CCDC88C: variants seen among roughly 807,000 people sequenced by gnomAD.
The protein encoded by CCDC88C is protein Daple.
CCDC88C carries 131 observed loss-of-function variants against 198.8 expected under a neutral mutation model. The observed-to-expected ratio is 0.66, with a 90% CI of 0.57 to 0.76. CCDC88C has a LOEUF of 0.76. Ranked by LOEUF, CCDC88C falls within the 30% of genes least tolerant of loss-of-function variation. The pLI is 0.00. For missense variants in CCDC88C, 2,553 were observed against 2,631.6 expected (o/e 0.97, Z 0.65); for synonymous variants, 1,166 against 1,114.7 (o/e 1.05, Z -0.92).
chr14:91,388,201 C>A (rs540956989), intron 3 of CCDC88C, among the ~76,000 whole-genome samples: 3 of 152,162 alleles, frequency 2.0e-5, no homozygotes. Flanking sequence ...GGCCAGCAAG[C>A]GGGAGACGGC....
intron 3 of CCDC88C, among the ~76,000 whole-genome samples, chr14:91,370,139 T>G (rs1894725160): frequency 6.6e-6 from 1 of 152,224 alleles, no homozygotes; most frequent in South Asian, 2.1e-4. Context: ...AACTCCTGCC[T>G]CTGCCTGTAA....
In CCDC88C at chr14:91,293,404, CTGCCCCCT is replaced by C. The variant is rs1567055190; in HGVS notation, c.4112+761_4112+768del. Among the ~76,000 whole-genome samples the C allele has an allele frequency of 4.7e-4, 15 of 31,760 alleles. 1 individual carries two copies. In the South Asian group the frequency reaches 0.01, roughly 21 times the overall value. The allele number at this position is 31,760 out of a possible 152,430, so 20.8% of individuals were successfully genotyped here. ...CCCTCGCCTGCCACAGCCCACCTTC[CTGCCCCCT>C]CACCTGCCACGGCCCACCTTCCCGT... is the stretch of plus-strand genomic sequence containing the variant. On this transcript the variant is annotated intron_variant, in intron 23 of 29. Transcript: ENST00000389857.
At chr14:91,318,917 C>CAAA (rs61183857) in intron 13 of CCDC88C, among the ~76,000 whole-genome samples, 50,274 of 103,666 alleles carry the variant, frequency 0.48, 11,332 homozygotes, top group Non-Finnish European at 0.59. Context: ...AGACTCCGTC[C>CAAA]AAAAAAAAAA....
chr14:91,413,806 G>C (rs751828120), intron 2 of CCDC88C, among the ~76,000 whole-genome samples: 2 of 152,184 alleles, frequency 1.3e-5, no homozygotes, highest in African/African-American at 2.4e-5. Context: ...AAGGCTCCCA[G>C]GTGTTAGGTA....
intron 19 of CCDC88C, among the ~76,000 whole-genome samples, chr14:91,305,413 C>A (rs1891515952): frequency 6.6e-6 from 1 of 152,138 alleles, no homozygotes; most frequent in Admixed American, 6.5e-5. Context: ...AGTAAAGAAA[C>A]CTGGTTAACT....
intron 3 of CCDC88C, among the ~76,000 whole-genome samples, chr14:91,402,543 C>CAT (rs1407088774): frequency 9.9e-5 from 15 of 151,978 alleles, no homozygotes; most frequent in African/African-American, 3.4e-4. Context: ...TGCACACACG[C>CAT]ATATATATAC....
At position 91,272,453 on chromosome 14, in the gene CCDC88C, C is replaced by T. The variant is rs893242519; in HGVS notation, c.*172G>A. 3 of 666,590 alleles carry T rather than the reference C, an allele frequency of 4.5e-6. No individual in the cohort carries two copies. The African/African-American group carries it at 5.5e-5, about 12-fold the overall frequency. 41.3% of individuals were successfully genotyped at this position (666,590 alleles called of 1,614,324 possible). On this transcript the variant is annotated 3_prime_UTR_variant, in exon 30 of 30. Coordinates refer to ENST00000389857, the MANE Select transcript of CCDC88C (RefSeq NM_001080414.4). ...GTTACACACCTGGAAGCGTAATCCTCTTGGGGCTTGGCACAGTGTTTCCAT... is the reference window on the plus strand; with the variant it reads ...GTTACACACCTGGAAGCGTAATCCTTTTGGGGCTTGGCACAGTGTTTCCAT...
intron 3 of CCDC88C, among the ~76,000 whole-genome samples, chr14:91,394,695 C>G (rs541407420): frequency 6.6e-6 from 1 of 152,178 alleles, no homozygotes; most frequent in Admixed American, 6.5e-5. Context: ...AATTCTATTG[C>G]TGGTGAGGGA....
At chr14:91,289,368 C>CA in intron 24 of CCDC88C, 25 bp from the exon 25 acceptor site, 1 of 1,602,066 alleles carries the variant, frequency 6.2e-7, no homozygotes, top group Non-Finnish European at 8.6e-7. Flanking sequence ...ATGTTTAGGA[C>CA]ATAGCCAGCC....
chr14:91,341,643 T>G (rs570234160), intron 6 of CCDC88C, among the ~76,000 whole-genome samples: 1 of 152,324 alleles, frequency 6.6e-6, no homozygotes, highest in South Asian at 2.1e-4. Flanking sequence ...CTAAGGTAAT[T>G]AAAGCACACA....
At chr14:91,320,908 G>A (rs1892328587) in intron 13 of CCDC88C, among the ~76,000 whole-genome samples, 1 of 152,194 alleles carries the variant, frequency 6.6e-6, no homozygotes, top group African/African-American at 2.4e-5. Flanking sequence ...CAGCGAAGCA[G>A]GGACAGGGCC....
At chr14:91,292,936 C>T (rs182942525) in intron 23 of CCDC88C, among the ~76,000 whole-genome samples, 35 of 152,194 alleles carry the variant, frequency 2.3e-4, no homozygotes, top group African/African-American at 8.4e-4. Flanking sequence ...TGGAAGCTAC[C>T]ACAGCTGAGC....
At chr14:91,393,473 ACCTCAGCC>A (rs1400649914) in intron 3 of CCDC88C, among the ~76,000 whole-genome samples, 1 of 152,024 alleles carries the variant, frequency 6.6e-6, no homozygotes, top group East Asian at 1.9e-4. Context: ...GACGGCCCAC[ACCTCAGCC>A]CCGATCTGGC....
Position 91,271,597 on chromosome 14 carries a change from A to G in CCDC88C, c.*1028T>C, listed in dbSNP as rs1236359955. The G allele has an allele frequency of 6.6e-6, 1 of 152,228 alleles. No homozygotes were observed. Among genetic ancestry groups the G allele is most frequent in the Non-Finnish European group, 1.5e-5 (1 of 68,040 alleles). 9.4% of individuals were successfully genotyped at this position (152,228 alleles called of 1,614,324 possible). The stretch of plus-strand genomic sequence containing the variant: ...AAGCAGCAGATAAGATTCCCGACAG[A>G]AGAGAGTGACTCCCACTGGAACATA... On this transcript the variant is annotated 3_prime_UTR_variant, in exon 30 of 30. Coordinates refer to ENST00000389857, the MANE Select transcript of CCDC88C (RefSeq NM_001080414.4).
chr14:91,359,261 C>T (rs1894192449), intron 4 of CCDC88C, among the ~76,000 whole-genome samples: 1 of 127,710 alleles, frequency 7.8e-6, no homozygotes, highest in South Asian at 2.5e-4. Flanking sequence ...GGCCATTCTC[C>T]TGCCTCAGCC....
chr14:91,296,017 T>G (rs529551916), intron 22 of CCDC88C, among the ~76,000 whole-genome samples: 1 of 152,286 alleles, frequency 6.6e-6, no homozygotes, highest in African/African-American at 2.4e-5. Context: ...AGCTCAGCCC[T>G]GCCGGTTCAC....
At chr14:91,322,860 A>G (rs1427689305) in intron 12 of CCDC88C, among the ~76,000 whole-genome samples, 1 of 150,356 alleles carries the variant, frequency 6.7e-6, no homozygotes, top group East Asian at 2.0e-4. Flanking sequence ...CTTGAAGACT[A>G]TTAAAACGAC....
At chr14:91,348,357 G>C (rs140914496) in intron 4 of CCDC88C, among the ~76,000 whole-genome samples, 28 of 151,340 alleles carry the variant, frequency 1.9e-4, no homozygotes, top group African/African-American at 6.8e-4. Flanking sequence ...GCCTGGCCTG[G>C]TGGTGCACTA....
At chr14:91,362,176 G>C (rs1894335285) in intron 3 of CCDC88C, among the ~76,000 whole-genome samples, 1 of 151,886 alleles carries the variant, frequency 6.6e-6, no homozygotes. Flanking sequence ...AAAGGTCGCA[G>C]GGAGCCGAGA....
Sources: allele counts gnomAD v4.1 joint callset (sites outside exome capture counted in the v4.1 genomes callset), GRCh38; gene constraint gnomAD v4.1.1; transcripts MANE v1.5; gene names NCBI Gene and HGNC (gene_info 2026-07-23, HGNC 2026-07-21).